TMEM245: variants seen among roughly 807,000 people sequenced by gnomAD.
TMEM245 encodes protein CG-2.
A neutral mutation model predicts 101.2 loss-of-function variants in TMEM245; 69 were observed. That is an observed-to-expected ratio of 0.68 (90% CI 0.56 to 0.83). The LOEUF is 0.83. TMEM245 is among the 40% of genes least tolerant of loss of function. TMEM245 has a pLI of 0.00. For synonymous variants in TMEM245, 537 were observed against 449.8 expected (o/e 1.19, Z -2.45); for missense variants, 1,075 against 1,092.8 (o/e 0.98, Z 0.23).
intron 1 of TMEM245, among the ~76,000 whole-genome samples, chr9:109,112,762 T>G (rs1588083874): frequency 1.3e-5 from 2 of 152,002 alleles, no homozygotes; most frequent in Non-Finnish European, 2.9e-5. Flanking sequence ...AACATCTGAA[T>G]AGTGGGAATA....
At chr9:109,115,269 G>A (rs1830686787) in intron 1 of TMEM245, among the ~76,000 whole-genome samples, 1 of 151,982 alleles carries the variant, frequency 6.6e-6, no homozygotes, top group South Asian at 2.1e-4. Context: ...GCTTGAACCG[G>A]GGAGGCAGAG....
chr9:109,043,841 C>G (rs1037685170), intron 14 of TMEM245, among the ~76,000 whole-genome samples: 1 of 152,142 alleles, frequency 6.6e-6, no homozygotes, highest in Non-Finnish European at 1.5e-5. Context: ...GGAAGGTAGG[C>G]CATCGTGCAT....
intron 12 of TMEM245, among the ~76,000 whole-genome samples, chr9:109,056,026 G>A (rs527649358): frequency 5.1e-4 from 78 of 152,310 alleles, no homozygotes; most frequent in African/African-American, 1.7e-3. Context: ...TCAAAATTAA[G>A]GAATCCATGT....
At position 109,050,618 on chromosome 9, in the gene TMEM245, G is replaced by A. The variant is rs1588034670; in HGVS notation, c.1929C>T (p.Thr643=). 6.2e-7 allele frequency: 1 copy of A among 1,613,700 alleles called. No homozygotes were observed. Among genetic ancestry groups the A allele is most frequent in the Non-Finnish European group, 8.5e-7 (1 of 1,179,936 alleles). ...LLFTTVTTLL[T]ILFYSGTALL... Reference sequence around the variant, plus strand: ...GGGCTGTCCCGCTGTAGAAGAGGATGGTCAAGAGTGTAGTGACAGTGGTGA... The same window carrying A: ...GGGCTGTCCCGCTGTAGAAGAGGATAGTCAAGAGTGTAGTGACAGTGGTGA... The change falls in exon 13 of 18, where the codon ACC becomes ACT. Residue 643 remains threonine, a synonymous_variant. Coordinates refer to ENST00000374586, the MANE Select transcript of TMEM245 (RefSeq NM_032012.4).
intron 3 of TMEM245, among the ~76,000 whole-genome samples, chr9:109,096,358 T>A (rs1830140324): frequency 6.6e-6 from 1 of 152,128 alleles, no homozygotes; most frequent in African/African-American, 2.4e-5. Flanking sequence ...ACGCCTGTAA[T>A]CCCAGCTACT....
chr9:109,073,862 T>TTTG (rs1554723961), intron 8 of TMEM245, among the ~76,000 whole-genome samples: 2 of 148,550 alleles, frequency 1.3e-5, no homozygotes, highest in African/African-American at 2.5e-5. Flanking sequence ...TTTTGTTTTT[T>TTTG]TTTTTTTTTT....
intron 10 of TMEM245, among the ~76,000 whole-genome samples, chr9:109,063,155 C>T (rs1353826043): frequency 1.3e-5 from 2 of 151,766 alleles, no homozygotes; most frequent in Non-Finnish European, 2.9e-5. Context: ...GGAGTTTCTC[C>T]GTCTCTGAGA....
At chr9:109,107,065 T>C (rs754306650) in intron 2 of TMEM245, among the ~76,000 whole-genome samples, 1 of 151,838 alleles carries the variant, frequency 6.6e-6, no homozygotes, top group Non-Finnish European at 1.5e-5. Context: ...AAACCATCAA[T>C]GTCTCCTCCT....
chr9:109,079,569 T>G (rs557466236), intron 8 of TMEM245, among the ~76,000 whole-genome samples: 64 of 152,196 alleles, frequency 4.2e-4, no homozygotes, highest in South Asian at 1.2e-3. Context: ...TAAGGTTCCC[T>G]CAAAAGCTCA....
intron 10 of TMEM245, among the ~76,000 whole-genome samples, chr9:109,062,213 C>T (rs1829037747): frequency 6.6e-6 from 1 of 150,992 alleles, no homozygotes; most frequent in Non-Finnish European, 1.5e-5. Flanking sequence ...ACTATGTTGC[C>T]CAAGCTGGTC....
intron 12 of TMEM245, among the ~76,000 whole-genome samples, chr9:109,056,648 A>T (rs1158511539): frequency 6.6e-6 from 1 of 152,036 alleles, no homozygotes; most frequent in Non-Finnish European, 1.5e-5. Context: ...AAAGTTTAGC[A>T]CGGCAAACCT....
At position 109,119,541 on chromosome 9, in the gene TMEM245, G is replaced by A. The variant is rs1259857765; in HGVS notation, c.373C>T (p.Leu125Phe). The part of the protein sequence containing the change: ...AHTPIVLAAL[L>F]LPLCFVDYGV... ...TAGTCGACGAAGCAGAGCGGCAGGA[G>A]CAGCGCGGCCAGGACGATGGGCGTG... The change falls in exon 1 of 18, where the codon CTC becomes TTC. Residue 125 changes from leucine to phenylalanine, a missense_variant. Coordinates refer to ENST00000374586, the MANE Select transcript of TMEM245 (RefSeq NM_032012.4). 2 of 1,531,434 alleles carry A rather than the reference G, an allele frequency of 1.3e-6. No homozygotes were observed. Among genetic ancestry groups the A allele is most frequent in the Non-Finnish European group, 8.7e-7 (1 of 1,144,536 alleles). The allele number at this position is 1,531,434 out of a possible 1,614,324, so 94.9% of individuals were successfully genotyped here.
chr9:109,046,879 T>C (rs1055787197), intron 14 of TMEM245, among the ~76,000 whole-genome samples: 5 of 152,102 alleles, frequency 3.3e-5, no homozygotes, highest in Non-Finnish European at 5.9e-5. Context: ...CAACAGGAGC[T>C]CTTAGAAAGA....
At chr9:109,027,376 G>A (rs1375866017) in intron 17 of TMEM245, among the ~76,000 whole-genome samples, 3 of 151,896 alleles carry the variant, frequency 2.0e-5, no homozygotes, top group South Asian at 2.1e-4. Context: ...AACAAAAAGC[G>A]TCTGAACTAG....
At chr9:109,081,191 T>C (rs1829656543) in intron 7 of TMEM245, among the ~76,000 whole-genome samples, 1 of 152,168 alleles carries the variant, frequency 6.6e-6, no homozygotes, top group Admixed American at 6.6e-5. Context: ...TCCATATCTA[T>C]GTTCAAATTC....
chr9:109,045,295 C>T (rs902240982), intron 14 of TMEM245, among the ~76,000 whole-genome samples: 1 of 152,134 alleles, frequency 6.6e-6, no homozygotes, highest in African/African-American at 2.4e-5. Flanking sequence ...CCCAGCTCCA[C>T]AGGGTGTCAT....
intron 17 of TMEM245, among the ~76,000 whole-genome samples, chr9:109,025,318 G>A (rs896828143): frequency 6.6e-5 from 10 of 152,172 alleles, no homozygotes; most frequent in Non-Finnish European, 1.5e-4. Context: ...ACGATCGCCT[G>A]CCTTGGCCTA....
chr9:109,021,191 T>A (rs1203670748), intron 17 of TMEM245, among the ~76,000 whole-genome samples: 1 of 152,224 alleles, frequency 6.6e-6, no homozygotes, highest in Admixed American at 6.5e-5. Flanking sequence ...TTTTGCTACA[T>A]AATTTACATG....
intron 8 of TMEM245, among the ~76,000 whole-genome samples, chr9:109,080,520 A>G (rs563152869): frequency 6.6e-6 from 1 of 152,094 alleles, no homozygotes; most frequent in African/African-American, 2.4e-5. Context: ...ATTAGAATTC[A>G]TAAGACCAGA....
Sources: gnomAD v4.1 joint callset for allele counts (sites outside exome capture counted in the v4.1 genomes callset) on GRCh38, gnomAD v4.1.1 for gene constraint, MANE v1.5 for transcripts, NCBI Gene and HGNC (gene_info 2026-07-23, HGNC 2026-07-21) for gene names.